The following HK2 variants were observed in gnomAD, a reference collection of about 807,000 sequenced individuals.
The protein encoded by HK2 is hexokinase 2, also known as hexokinase-2.
In HK2, 42 loss-of-function variants were observed where a neutral mutation model predicts 92.9. That is an observed-to-expected ratio of 0.45 (90% CI 0.35 to 0.58). HK2 has a LOEUF of 0.58. Among genes scored for constraint, HK2 ranks in the 20% least tolerant of loss-of-function variants. The probability of loss-of-function intolerance (pLI) is 0.00; values close to 1 mark genes in which losing one functional copy is unlikely to be tolerated. For synonymous variants in HK2, 422 were observed against 468.0 expected (o/e 0.90, Z 1.27); for missense variants, 978 against 1,245.1 (o/e 0.79, Z 3.23).
At position 74,867,725 on chromosome 2, in the gene HK2, G is replaced by A. The variant is rs142433390; in HGVS notation, c.316G>A (p.Glu106Lys). ...KVTDNGLQKV[E>K]MENQIYAIPE... ...AACGGACAATGGGCTCCAGAAGGTG[G>A]AGATGGAGAATCAGATCTATGCCAT... The change falls in exon 3 of 18, where the codon GAG becomes AAG. Residue 106 changes from glutamate (E) to lysine (K), a missense_variant. Coordinates refer to ENST00000290573, the MANE Select transcript of HK2 (RefSeq NM_000189.5). 5.7e-4 allele frequency: 928 copies of A among 1,614,160 alleles called. No homozygotes were observed. Among genetic ancestry groups the A allele is most frequent in the Non-Finnish European group, 7.6e-4 (892 of 1,180,022 alleles).
chr2:74,888,686 T>C (rs1689598935), intron 16 of HK2, among the ~76,000 whole-genome samples: 1 of 152,236 alleles, frequency 6.6e-6, no homozygotes, highest in South Asian at 2.1e-4. Context: ...AAAGATATAT[T>C]CTAGCTTATA....
chr2:74,835,393 G>A (rs1688135694), intron 1 of HK2: 1 of 152,512 alleles, frequency 6.6e-6, no homozygotes, highest in African/African-American at 2.4e-5. Flanking sequence ...GTTACTCGGA[G>A]AGGCCAACGC....
At chr2:74,885,432 C>T in intron 12 of HK2, 62 bp from the exon 13 acceptor site, 1 of 1,158,662 alleles carries the variant, frequency 8.6e-7, no homozygotes, top group East Asian at 2.3e-5. Context: ...ACAGCTGGAC[C>T]CCCAGAACTG....
chr2:74,877,468 G>A, intron 8 of HK2, 147 bp downstream of exon 8: 1 of 868,828 alleles, frequency 1.2e-6, no homozygotes, highest in Non-Finnish European at 1.9e-6. Flanking sequence ...GCGGGCCTGT[G>A]GCTTCACTTC....
intron 15 of HK2, among the ~76,000 whole-genome samples, chr2:74,887,406 A>G (rs1013750873): frequency 2.6e-5 from 4 of 151,032 alleles, no homozygotes; most frequent in African/African-American, 7.3e-5. Flanking sequence ...AAGCCACTGC[A>G]TAATAACGTT....
rs143763175 is a variant in HK2 at position 74,888,873 on chromosome 2, T to G, written c.2376-372T>G. The stretch of plus-strand genomic sequence containing the variant: ...AAAGCACGAGTCTAATGCTGCTTGG[T>G]TAGTTCCTGCCCTGCAAACCCATGA... On this transcript the variant is annotated intron_variant, in intron 16 of 17. Coordinates refer to ENST00000290573, the MANE Select transcript of HK2 (RefSeq NM_000189.5). Among the ~76,000 whole-genome samples, 906 of 151,912 alleles carry G rather than the reference T, an allele frequency of 6.0e-3. 9 individuals carry two copies. Among genetic ancestry groups the G allele is most frequent in the African/African-American group, 0.021 (868 of 41,410 alleles).
chr2:74,863,557 G>C (rs1688881613), intron 2 of HK2, among the ~76,000 whole-genome samples: 1 of 152,144 alleles, frequency 6.6e-6, no homozygotes. Flanking sequence ...GCGATTCCGG[G>C]TACATGGAAA....
chr2:74,871,851 A>T (rs933590048), intron 3 of HK2, among the ~76,000 whole-genome samples: 2 of 152,200 alleles, frequency 1.3e-5, no homozygotes, highest in African/African-American at 2.4e-5. Context: ...AGACAGGGAT[A>T]CTAAAATACT....
intron 7 of HK2, among the ~76,000 whole-genome samples, chr2:74,874,719 C>T (rs1308390786): frequency 6.6e-6 from 1 of 152,214 alleles, no homozygotes; most frequent in Admixed American, 6.5e-5. Context: ...GGTGGCCCTG[C>T]TCTTTCTTTC....
In HK2 at chr2:74,881,721, C is replaced by T. The variant is rs187215272; in HGVS notation, c.1581C>T (p.Asp527=). Residue 527 remains aspartate, a synonymous_variant, in exon 11 of 18, where the codon GAC becomes GAT. Coordinates refer to ENST00000290573, the MANE Select transcript of HK2 (RefSeq NM_000189.5). ...GGGCTTATTTTCCAGAGAAAGGGGA[C>T]TTCTTGGCCTTGGACCTTGGAGGAA... ...CATPDGTEKG[D]FLALDLGGTN... The T allele has an allele frequency of 6.1e-5, 98 of 1,614,158 alleles. No individual in the cohort carries two copies. Among genetic ancestry groups the T allele is most frequent in the Admixed American group, 3.5e-4 (21 of 60,030 alleles).
chr2:74,864,588 C>T (rs562559134), intron 2 of HK2, among the ~76,000 whole-genome samples: 2 of 152,244 alleles, frequency 1.3e-5, no homozygotes, highest in South Asian at 4.1e-4. Context: ...TTCACTGCAA[C>T]CTCCACTTCC....
intron 1 of HK2, among the ~76,000 whole-genome samples, chr2:74,838,813 C>T (rs552739226): frequency 2.0e-5 from 3 of 152,304 alleles, no homozygotes; most frequent in Non-Finnish European, 2.9e-5. Flanking sequence ...GGTGGGATTA[C>T]AGGAGTGAGC....
intron 1 of HK2, among the ~76,000 whole-genome samples, 156 bp from the exon 2 acceptor site, chr2:74,854,137 C>A (rs1200395557): frequency 2.0e-5 from 3 of 151,624 alleles, no homozygotes; most frequent in Non-Finnish European, 4.4e-5. Context: ...AAGACAAAGT[C>A]CTGTCAAATC....
At chr2:74,879,139 C>T (rs369611679) in intron 9 of HK2, among the ~76,000 whole-genome samples, 7 of 152,142 alleles carry the variant, frequency 4.6e-5, no homozygotes, top group Admixed American at 6.5e-5. Flanking sequence ...ACTGATGACT[C>T]GGGCTCTCCG....
intron 1 of HK2, among the ~76,000 whole-genome samples, chr2:74,847,981 A>G (rs1243321006): frequency 6.6e-6 from 1 of 152,206 alleles, no homozygotes; most frequent in African/African-American, 2.4e-5. Context: ...AAACCTATGA[A>G]GCATTTCATG....
chr2:74,885,029 A>G (rs1011267191), intron 12 of HK2, among the ~76,000 whole-genome samples: 3 of 152,208 alleles, frequency 2.0e-5, no homozygotes, highest in African/African-American at 7.2e-5. Context: ...TGTAAAGGAT[A>G]GGGACAGAGC....
chr2:74,887,882 T>G (rs756490603), intron 15 of HK2, 21 bp from the exon 16 acceptor site: 3 of 1,612,466 alleles, frequency 1.9e-6, no homozygotes, highest in Non-Finnish European at 2.5e-6. Context: ...TTAACCTCCA[T>G]GAATGTTACT....
chr2:74,874,093 T>A, intron 6 of HK2, 150 bp downstream of exon 6: 1 of 976,028 alleles, frequency 1.0e-6, no homozygotes. Flanking sequence ...GAGCAGGGAC[T>A]CATGGAGTTG....
chr2:74,889,422 G>A lies in HK2; in HGVS notation c.2553G>A (p.Leu851=), dbSNP rs1368527601. Residue 851 remains leucine (L), a synonymous_variant, in exon 17 of 18, where the codon CTG becomes CTA. Coordinates refer to ENST00000290573, the MANE Select transcript of HK2 (RefSeq NM_000189.5). ...ACAGGATACGAGAAAACCGTGGGCT[G>A]GACGCTCTCAAAGTGACAGTGGGTG... is the stretch of plus-strand genomic sequence containing the variant. ...VVDRIRENRG[L]DALKVTVGVD... 6.2e-7 allele frequency: 1 copy of A among 1,614,004 alleles called. No individual in the cohort carries two copies. The highest frequency in any genetic ancestry group is 1.7e-5 in the Admixed American group (1 of 59,996).
Sources: allele counts gnomAD v4.1 joint callset (sites outside exome capture counted in the v4.1 genomes callset), GRCh38; gene constraint gnomAD v4.1.1; transcripts MANE v1.5; gene names NCBI Gene and HGNC (gene_info 2026-07-23, HGNC 2026-07-21).